Variants in SLC4A10 observed in about 807,000 individuals in gnomAD.
The protein encoded by SLC4A10 is sodium-driven chloride bicarbonate exchanger.
In SLC4A10, 42 loss-of-function variants were observed where a neutral mutation model predicts 137.7. The ratio of observed to expected loss-of-function variants is 0.30; its 90% CI spans 0.24 to 0.39. SLC4A10 has a LOEUF of 0.39. SLC4A10 is among the 10% of genes least tolerant of loss of function. SLC4A10 has a pLI of 1.00. For missense variants in SLC4A10, 925 were observed against 1,355.0 expected (o/e 0.68, Z 4.98); for synonymous variants, 474 against 464.1 (o/e 1.02, Z -0.27).
At chr2:161,693,625 G>C (rs2042210515) in intron 1 of SLC4A10, among the ~76,000 whole-genome samples, 2 of 147,122 alleles carry the variant, frequency 1.4e-5, no homozygotes, top group South Asian at 4.3e-4. Flanking sequence ...CCACCCTTCA[G>C]CCTCTGGCAA....
intron 15 of SLC4A10, among the ~76,000 whole-genome samples, chr2:161,935,175 T>A (rs1691355731): frequency 6.6e-6 from 1 of 152,220 alleles, no homozygotes; most frequent in South Asian, 2.1e-4. Flanking sequence ...TCAGCATCTT[T>A]GTCGAAAATC....
At chr2:161,898,799 G>A (rs1266981870) in intron 11 of SLC4A10, among the ~76,000 whole-genome samples, 1 of 152,078 alleles carries the variant, frequency 6.6e-6, no homozygotes, top group Non-Finnish European at 1.5e-5. Flanking sequence ...TGATGAAGCT[G>A]AAGCTGAAGG....
intron 19 of SLC4A10, among the ~76,000 whole-genome samples, chr2:161,955,945 A>T (rs1010826462): frequency 6.6e-6 from 1 of 152,056 alleles, no homozygotes; most frequent in Non-Finnish European, 1.5e-5. Flanking sequence ...TTTTCAAAAA[A>T]GTCAATTTGT....
chr2:161,791,995 G>A (rs963048504), intron 2 of SLC4A10, among the ~76,000 whole-genome samples: 9 of 152,058 alleles, frequency 5.9e-5, no homozygotes, highest in African/African-American at 2.2e-4. Flanking sequence ...GGGGGTCCTG[G>A]TTATACATTT....
intron 5 of SLC4A10, among the ~76,000 whole-genome samples, chr2:161,861,498 A>T (rs2060432867): frequency 6.6e-6 from 1 of 151,848 alleles, no homozygotes. Flanking sequence ...TGATCTTTCT[A>T]TTATGTGAGC....
At chr2:161,847,022 A>G (rs2059538859) in intron 4 of SLC4A10, among the ~76,000 whole-genome samples, 1 of 151,578 alleles carries the variant, frequency 6.6e-6, no homozygotes. Flanking sequence ...GGATTACTTG[A>G]GGCCAGGAGT....
At chr2:161,815,555 T>G (rs1366005701) in intron 3 of SLC4A10, among the ~76,000 whole-genome samples, 1 of 152,060 alleles carries the variant, frequency 6.6e-6, no homozygotes, top group Admixed American at 6.6e-5. Context: ...TACAGTAACG[T>G]ATATGAATCT....
At chr2:161,671,618 C>A (rs1467968052) in intron 1 of SLC4A10, among the ~76,000 whole-genome samples, 1 of 152,122 alleles carries the variant, frequency 6.6e-6, no homozygotes. Context: ...ATCATTCATA[C>A]CCCAAACCTC....
intron 1 of SLC4A10, among the ~76,000 whole-genome samples, chr2:161,630,273 G>T (rs546892020): frequency 1.3e-5 from 2 of 151,724 alleles, no homozygotes; most frequent in Non-Finnish European, 3.0e-5. Context: ...GCTTATGAGG[G>T]ATATTGGTTT....
At chr2:161,847,015 T>C (rs2059538162) in intron 4 of SLC4A10, among the ~76,000 whole-genome samples, 1 of 151,510 alleles carries the variant, frequency 6.6e-6, no homozygotes, top group South Asian at 2.1e-4. Flanking sequence ...GGCAGGAGGA[T>C]TACTTGAGGC....
chr2:161,659,396 A>G (rs888202538), intron 1 of SLC4A10, among the ~76,000 whole-genome samples: 2 of 152,204 alleles, frequency 1.3e-5, no homozygotes, highest in Non-Finnish European at 2.9e-5. Flanking sequence ...AGGTGAGAGA[A>G]TAATGGGGAG....
In SLC4A10 at chr2:161,976,691, T is replaced by A. The variant is rs1051653776; in HGVS notation, c.3228-69T>A. 8.4e-6 allele frequency: 6 copies of A among 711,830 alleles called. No homozygotes were observed. In the Admixed American group the frequency reaches 2.0e-4, roughly 24 times the overall value. 44.1% of individuals were successfully genotyped at this position (711,830 alleles called of 1,614,324 possible). On this transcript the variant is annotated intron_variant, in intron 24 of 26. Coordinates refer to ENST00000446997, the MANE Select transcript of SLC4A10 (RefSeq NM_001178015.2). ...GATATATGATTGCCCTATATTTAGT[T>A]TCTGTCATTGAAAAACTGCAGTTAC...
intron 11 of SLC4A10, among the ~76,000 whole-genome samples, chr2:161,895,941 G>T (rs1191645952): frequency 6.6e-6 from 1 of 150,758 alleles, no homozygotes; most frequent in Admixed American, 6.6e-5. Context: ...GTCAATTTTG[G>T]CTTTTGTTGC....
chr2:161,801,750 C>T (rs556634907), intron 2 of SLC4A10, among the ~76,000 whole-genome samples: 1 of 152,138 alleles, frequency 6.6e-6, no homozygotes, highest in East Asian at 1.9e-4. Flanking sequence ...TGTGACTTAA[C>T]TTTTTTGAAC....
intron 7 of SLC4A10, among the ~76,000 whole-genome samples, chr2:161,873,516 G>A (rs1575393469): frequency 1.7e-5 from 2 of 117,126 alleles, no homozygotes. Context: ...GGGTGACAGA[G>A]TGAGACCACA....
intron 15 of SLC4A10, among the ~76,000 whole-genome samples, chr2:161,926,933 T>C (rs1575676827): frequency 1.3e-5 from 2 of 152,094 alleles, no homozygotes; most frequent in East Asian, 1.9e-4. Context: ...GATCCGCTGT[T>C]AGTCTGATGG....
chr2:161,789,301 G>A (rs932726854), intron 2 of SLC4A10, among the ~76,000 whole-genome samples: 7 of 152,156 alleles, frequency 4.6e-5, no homozygotes, highest in Non-Finnish European at 2.9e-5. Flanking sequence ...GAGCAGAGAA[G>A]CACCCCAACC....
intron 3 of SLC4A10, among the ~76,000 whole-genome samples, chr2:161,828,959 C>G (rs1190919080): frequency 6.6e-6 from 1 of 150,452 alleles, no homozygotes; most frequent in African/African-American, 2.4e-5. Flanking sequence ...TAGAATTATT[C>G]TATTTCTATA....
At chr2:161,815,583 C>T (rs916614997) in intron 3 of SLC4A10, among the ~76,000 whole-genome samples, 1 of 152,010 alleles carries the variant, frequency 6.6e-6, no homozygotes, top group Non-Finnish European at 1.5e-5. Context: ...TGACGACAAG[C>T]GATGCTCTAG....
Sources: allele counts gnomAD v4.1 joint callset (sites outside exome capture counted in the v4.1 genomes callset), GRCh38; gene constraint gnomAD v4.1.1; transcripts MANE v1.5; gene names NCBI Gene and HGNC (gene_info 2026-07-23, HGNC 2026-07-21).